The following MTAP variants were observed in gnomAD, a reference collection of about 807,000 sequenced individuals.
The protein encoded by MTAP is S-methyl-5'-thioadenosine phosphorylase.
A neutral mutation model predicts 33.6 loss-of-function variants in MTAP; 33 were observed. That is an observed-to-expected ratio of 0.98 (90% CI 0.74 to 1.31). The LOEUF (loss-of-function observed/expected upper bound fraction) is 1.31. MTAP is among the 40% of genes most tolerant of loss of function. The pLI is 0.00. For synonymous variants in MTAP, 148 were observed against 125.7 expected (o/e 1.18, Z -1.19); for missense variants, 367 against 360.0 (o/e 1.02, Z -0.16).
At chr9:21,841,063 C>T (rs1347111145) in intron 5 of MTAP, among the ~76,000 whole-genome samples, 3 of 152,184 alleles carry the variant, frequency 2.0e-5, no homozygotes, top group African/African-American at 4.8e-5. Context: ...AAACCACCCC[C>T]ATCCCCCAAT....
chr9:21,802,832 C>T (rs745587058), intron 1 of MTAP, 51 bp downstream of exon 1: 4 of 1,606,094 alleles, frequency 2.5e-6, no homozygotes, highest in Admixed American at 3.4e-5. Flanking sequence ...GATGCCTTCT[C>T]GCCCCCGCGC....
chr9:21,933,698 T>C (rs1215129470), downstream of MTAP: 2 of 152,226 alleles, frequency 1.3e-5, no homozygotes, highest in Admixed American at 6.5e-5. Context: ...TCAGAAATTC[T>C]TTATGAACTG....
chr9:21,873,025 G>A (rs760864077), intron 1 of MTAP, among the ~76,000 whole-genome samples: 4 of 152,106 alleles, frequency 2.6e-5, no homozygotes, highest in Non-Finnish European at 5.9e-5. Flanking sequence ...GATGTTACTA[G>A]AGCCCTCTTC....
At chr9:21,807,414 C>T (rs117964555) in intron 1 of MTAP, among the ~76,000 whole-genome samples, 1 of 152,176 alleles carries the variant, frequency 6.6e-6, no homozygotes, top group East Asian at 1.9e-4. Flanking sequence ...ACCTGCAGGC[C>T]CCAGTTGAAA....
At chr9:21,909,009 A>G (rs1404336897) in intron 1 of MTAP, among the ~76,000 whole-genome samples, 1 of 152,130 alleles carries the variant, frequency 6.6e-6, no homozygotes, top group Non-Finnish European at 1.5e-5. Flanking sequence ...TCTGGTAAAC[A>G]TAACAACAAA....
intron 4 of MTAP, among the ~76,000 whole-genome samples, chr9:21,823,811 C>T (rs1411067486): frequency 5.3e-5 from 8 of 152,162 alleles, no homozygotes; most frequent in African/African-American, 9.7e-5. Flanking sequence ...TCGTTCATTT[C>T]TTTTTACTCT....
intron 1 of MTAP, among the ~76,000 whole-genome samples, chr9:21,805,987 A>G (rs1303394623): frequency 6.6e-6 from 1 of 152,202 alleles, no homozygotes; most frequent in Non-Finnish European, 1.5e-5. Flanking sequence ...AGGAATGGAA[A>G]TCACGGATGC....
Position 21,864,559 on chromosome 9 carries a change from T to G in MTAP, c.*2545T>G, listed in dbSNP as rs1374330587. The G allele has an allele frequency of 2.0e-6, 2 of 985,358 alleles. No homozygotes were observed. Among genetic ancestry groups the G allele is most frequent in the East Asian group, 1.1e-4 (1 of 8,830 alleles). The allele number at this position is 985,358 out of a possible 1,614,324, so 61.0% of individuals were successfully genotyped here. ...ATATTTGGCATGGATTTTCATGGTTTTGAGAATGACATCCTGGCCCTGTGG... is the reference window on the plus strand; with the variant it reads ...ATATTTGGCATGGATTTTCATGGTTGTGAGAATGACATCCTGGCCCTGTGG... On this transcript the variant is annotated 3_prime_UTR_variant, in exon 8 of 8. Coordinates refer to ENST00000644715, the MANE Select transcript of MTAP (RefSeq NM_002451.4).
intron 1 of MTAP, among the ~76,000 whole-genome samples, chr9:21,917,734 C>T (rs542255628): frequency 6.6e-6 from 1 of 152,174 alleles, no homozygotes; most frequent in African/African-American, 2.4e-5. Flanking sequence ...AGTAATCCCA[C>T]TACTGAGTAT....
intron 5 of MTAP, among the ~76,000 whole-genome samples, chr9:21,844,889 G>A (rs112408189): frequency 9.9e-4 from 150 of 152,222 alleles, no homozygotes; most frequent in African/African-American, 3.4e-3. Context: ...AAAATTAGCC[G>A]GGCATGGTAG....
chr9:21,826,290 G>A (rs1262572736), intron 4 of MTAP, among the ~76,000 whole-genome samples: 1 of 150,384 alleles, frequency 6.6e-6, no homozygotes, highest in Non-Finnish European at 1.5e-5. Flanking sequence ...TTAATAGTTG[G>A]TTTGTTCAAA....
At chr9:21,817,480 G>T (rs1279729239) in intron 3 of MTAP, among the ~76,000 whole-genome samples, 1 of 151,994 alleles carries the variant, frequency 6.6e-6, no homozygotes, top group East Asian at 1.9e-4. Flanking sequence ...AGTTGTAGGA[G>T]AATTCACTCC....
chr9:21,830,388 T>C (rs1294187170), intron 4 of MTAP, among the ~76,000 whole-genome samples: 1 of 152,234 alleles, frequency 6.6e-6, no homozygotes, highest in African/African-American at 2.4e-5. Flanking sequence ...CTTCAGTGCC[T>C]ATGCCTCCTG....
chr9:21,807,812 A>G (rs1481568461), intron 1 of MTAP, among the ~76,000 whole-genome samples: 3 of 152,226 alleles, frequency 2.0e-5, no homozygotes, highest in Non-Finnish European at 4.4e-5. Context: ...TAGGGTATAC[A>G]GAAACAGAGA....
At chr9:21,898,487 A>T (rs1000287412) in intron 1 of MTAP, among the ~76,000 whole-genome samples, 3 of 152,378 alleles carry the variant, frequency 2.0e-5, no homozygotes, top group Admixed American at 2.0e-4. Flanking sequence ...TACCCATTTG[A>T]CAAAGGGCTA....
chr9:21,825,074 T>C lies in MTAP; in HGVS notation c.347+6872T>C, dbSNP rs533091234. ...TAGGTGAGGCGATGCCTCACCCTGCTTTGGCTCACACTCGATGGGCTGCAC... is the reference window on the plus strand; with the variant it reads ...TAGGTGAGGCGATGCCTCACCCTGCCTTGGCTCACACTCGATGGGCTGCAC... On this transcript the variant is annotated intron_variant, in intron 4 of 7. Coordinates refer to ENST00000644715, the MANE Select transcript of MTAP (RefSeq NM_002451.4). 9.8e-5 allele frequency among the ~76,000 whole-genome samples: 15 copies of C among 152,296 alleles called. No individual in the cohort carries two copies. The East Asian group carries it at 2.3e-3, about 24-fold the overall frequency.
intron 1 of MTAP, among the ~76,000 whole-genome samples, chr9:21,905,101 A>G (rs77909121): frequency 3.9e-4 from 59 of 152,256 alleles, no homozygotes; most frequent in Non-Finnish European, 6.8e-4. Context: ...AGCTTGTGTT[A>G]ATCAGCTCAA....
chr9:21,921,900 T>C (rs1818793448), intron 1 of MTAP, among the ~76,000 whole-genome samples: 1 of 151,426 alleles, frequency 6.6e-6, no homozygotes, highest in South Asian at 2.1e-4. Context: ...AGTGTTGGAG[T>C]AGGTAGTTAG....
intron 1 of MTAP, chr9:21,813,790 C>T (rs1212615847): frequency 6.6e-6 from 1 of 152,190 alleles, no homozygotes; most frequent in Non-Finnish European, 1.5e-5. Context: ...TGGATGGTTT[C>T]TTAGCCTCCT....
Sources: allele counts gnomAD v4.1 joint callset (sites outside exome capture counted in the v4.1 genomes callset), GRCh38; gene constraint gnomAD v4.1.1; transcripts MANE v1.5; gene names NCBI Gene and HGNC (gene_info 2026-07-23, HGNC 2026-07-21).